AGBL1: variants seen among roughly 807,000 people sequenced by gnomAD.
The protein encoded by AGBL1 is AGBL carboxypeptidase 1.
Under a neutral mutation model 118.9 loss-of-function variants are expected in AGBL1, and 130 were observed. That is an observed-to-expected ratio of 1.09 (90% CI 0.95 to 1.26). AGBL1 has a LOEUF of 1.26. Among genes scored for constraint, AGBL1 ranks in the 50% most tolerant of loss-of-function variants. The probability of loss-of-function intolerance (pLI) is 0.00; values close to 1 mark genes in which losing one functional copy is unlikely to be tolerated. For synonymous variants in AGBL1, 555 were observed against 478.9 expected (o/e 1.16, Z -2.08); for missense variants, 1,584 against 1,298.1 (o/e 1.22, Z -3.38).
intron 22 of AGBL1, among the ~76,000 whole-genome samples, chr15:86,722,753 A>T (rs1377986327): frequency 6.6e-6 from 1 of 152,072 alleles, no homozygotes; most frequent in Non-Finnish European, 1.5e-5. Context: ...TTTGCAATCT[A>T]CTCATCTGAC....
rs543615021 is a variant in AGBL1 at position 86,664,922 on chromosome 15, C to A, written c.2995-9351C>A. Among the ~76,000 whole-genome samples the A allele has an allele frequency of 2.0e-5, 3 of 151,930 alleles. No individual in the cohort carries two copies. In the East Asian group the frequency reaches 5.8e-4, roughly 29 times the overall value. The stretch of plus-strand genomic sequence containing the variant: ...CATTGCTGAAGGAAAGAATGAGTGG[C>A]AAAAGCAATTAGGTAATTTGCGGAT... On this transcript the variant is annotated intron_variant, in intron 21 of 22. Transcript: ENST00000614907.
At chr15:86,677,944 C>T (rs1038567445) in intron 22 of AGBL1, among the ~76,000 whole-genome samples, 1 of 152,192 alleles carries the variant, frequency 6.6e-6, no homozygotes, top group Non-Finnish European at 1.5e-5. Flanking sequence ...TAACTACTGT[C>T]AGCATTATGG....
At chr15:86,311,275 CTAT>C (rs1366838213) in intron 17 of AGBL1, among the ~76,000 whole-genome samples, 1 of 152,106 alleles carries the variant, frequency 6.6e-6, no homozygotes, top group Non-Finnish European at 1.5e-5. Flanking sequence ...AATAGTTAGT[CTAT>C]TATTCTGCAA....
At position 86,778,580 on chromosome 15, in the gene AGBL1, G is replaced by T. The variant is rs190284509; in HGVS notation, c.3158+104144G>T. Among the ~76,000 whole-genome samples, 477 of 152,298 alleles carry T rather than the reference G, an allele frequency of 3.1e-3. 9 individuals carry two copies. Among genetic ancestry groups the T allele is most frequent in the African/African-American group, 0.011 (454 of 41,576 alleles). ...AGCGATATTTCTCCCATTTGCTTTT[G>T]AAAGAAGAGAAATATGGCTCTGTTC... On this transcript the variant is annotated intron_variant, in intron 22 of 22. Coordinates refer to ENST00000614907, the MANE Select transcript of AGBL1 (RefSeq NM_001386094.1).
intron 22 of AGBL1, among the ~76,000 whole-genome samples, chr15:86,819,883 T>C (rs1346392703): frequency 6.6e-6 from 1 of 152,078 alleles, no homozygotes; most frequent in Non-Finnish European, 1.5e-5. Context: ...GCTACCTGAC[T>C]TCAAACTATA....
chr15:86,677,239 G>C (rs545061363), intron 22 of AGBL1, among the ~76,000 whole-genome samples: 1 of 152,284 alleles, frequency 6.6e-6, no homozygotes, highest in East Asian at 1.9e-4. Flanking sequence ...CAAGAGCAGA[G>C]GAAGAGCAGA....
chr15:86,865,621 T>C (rs2079616212), intron 22 of AGBL1, among the ~76,000 whole-genome samples: 2 of 152,222 alleles, frequency 1.3e-5, no homozygotes, highest in Non-Finnish European at 2.9e-5. Flanking sequence ...AAAAATCCCA[T>C]GTCTGCAGAG....
At chr15:86,148,237 C>A (rs2077058078) in intron 3 of AGBL1, among the ~76,000 whole-genome samples, 1 of 152,174 alleles carries the variant, frequency 6.6e-6, no homozygotes, top group South Asian at 2.1e-4. Flanking sequence ...CAAAGGATTG[C>A]AGCTCCTTGC....
intron 21 of AGBL1, among the ~76,000 whole-genome samples, chr15:86,623,384 G>A (rs2084840953): frequency 6.6e-6 from 1 of 152,212 alleles, no homozygotes; most frequent in Non-Finnish European, 1.5e-5. Flanking sequence ...TGCTAGCTGT[G>A]ATTCAGAAGG....
At chr15:86,345,753 G>A (rs2080526569) in intron 17 of AGBL1, among the ~76,000 whole-genome samples, 1 of 152,196 alleles carries the variant, frequency 6.6e-6, no homozygotes, top group South Asian at 2.1e-4. Flanking sequence ...GTGACAGAAT[G>A]AATAGATGGA....
At chr15:86,356,355 T>TGTGTGTGTGCGC (rs151263305) in intron 17 of AGBL1, among the ~76,000 whole-genome samples, 3 of 150,906 alleles carry the variant, frequency 2.0e-5, no homozygotes, top group Non-Finnish European at 4.4e-5. Context: ...TGTGTGTGTG[T>TGTGTGTGTGCGC]GCGCGTGCGC....
chr15:86,538,218 T>G (rs2083451363), intron 19 of AGBL1, among the ~76,000 whole-genome samples: 1 of 152,234 alleles, frequency 6.6e-6, no homozygotes, highest in Admixed American at 6.5e-5. Context: ...AAGGCCATGT[T>G]GAAACTTTGG....
Position 86,911,040 on chromosome 15 carries a change from C to T in AGBL1, c.*3746C>T, listed in dbSNP as rs142773460. 6.6e-6 allele frequency: 1 copy of T among 152,238 alleles called. No homozygotes were observed. Among genetic ancestry groups the T allele is most frequent in the East Asian group, 1.9e-4 (1 of 5,196 alleles). The allele number at this position is 152,238 out of a possible 1,614,324, so 9.4% of individuals were successfully genotyped here. A position where few individuals can be genotyped will look rare whatever the true frequency, so the allele number is the denominator to read the frequency against. On this transcript the variant is annotated 3_prime_UTR_variant, in exon 23 of 23. Transcript: ENST00000614907. The stretch of plus-strand genomic sequence containing the variant: ...ACTTCAGTGAATTGTTGGGATAAAA[C>T]GTGTTCTACCAAATTCAAAGCCAAA...
At chr15:86,411,538 C>T (rs1033568130) in intron 18 of AGBL1, among the ~76,000 whole-genome samples, 1 of 152,168 alleles carries the variant, frequency 6.6e-6, no homozygotes, top group African/African-American at 2.4e-5. Flanking sequence ...CTATTCATCT[C>T]TCTGAGCCAC....
At chr15:86,929,836 C>T (rs2080584473) in intron 23 of AGBL1, among the ~76,000 whole-genome samples, 1 of 152,202 alleles carries the variant, frequency 6.6e-6, no homozygotes, top group South Asian at 2.1e-4. Flanking sequence ...ATCATATTCA[C>T]AGATGAACAT....
At chr15:86,992,173 G>A (rs976449410) in intron 24 of AGBL1, among the ~76,000 whole-genome samples, 9 of 151,872 alleles carry the variant, frequency 5.9e-5, no homozygotes, top group Non-Finnish European at 8.8e-5. Flanking sequence ...GATGTAGCAC[G>A]TGCCACACTC....
At chr15:86,619,756 C>T (rs555859229) in intron 21 of AGBL1, among the ~76,000 whole-genome samples, 121 of 152,238 alleles carry the variant, frequency 7.9e-4, no homozygotes, top group African/African-American at 6.3e-4. Flanking sequence ...GTACAATACC[C>T]GGGGCAGAGA....
At chr15:86,275,416 C>G (rs1399130017) in intron 15 of AGBL1, among the ~76,000 whole-genome samples, 1 of 152,122 alleles carries the variant, frequency 6.6e-6, no homozygotes, top group African/African-American at 2.4e-5. Flanking sequence ...ACTGCTCTGC[C>G]TTATTAGATC....
intron 17 of AGBL1, among the ~76,000 whole-genome samples, chr15:86,338,024 C>T (rs2080401482): frequency 6.6e-6 from 1 of 151,968 alleles, no homozygotes; most frequent in Non-Finnish European, 1.5e-5. Context: ...AGGTCTTGCC[C>T]TTTGAGTTTG....
Sources: gnomAD v4.1 joint callset for allele counts (sites outside exome capture counted in the v4.1 genomes callset) on GRCh38, gnomAD v4.1.1 for gene constraint, MANE v1.5 for transcripts, NCBI Gene and HGNC (gene_info 2026-07-23, HGNC 2026-07-21) for gene names.